NTM: variants seen among roughly 807,000 people sequenced by gnomAD.
The protein encoded by NTM is IgLON family member 2.
Under a neutral mutation model 42.1 loss-of-function variants are expected in NTM, and 13 were observed. That is an observed-to-expected ratio of 0.31 (90% CI 0.20 to 0.49). The LOEUF (loss-of-function observed/expected upper bound fraction) is 0.49, where lower values mean the gene tolerates loss of function less well. NTM is among the 20% of genes least tolerant of loss of function. The probability of loss-of-function intolerance (pLI) is 0.99; values close to 1 mark genes in which losing one functional copy is unlikely to be tolerated. For synonymous variants in NTM, 187 were observed against 179.2 expected (o/e 1.04, Z -0.35); for missense variants, 373 against 452.8 (o/e 0.82, Z 1.60).
chr11:131,398,958 A>G (rs942302418), intron 1 of NTM, among the ~76,000 whole-genome samples: 7 of 152,250 alleles, frequency 4.6e-5, no homozygotes, highest in Admixed American at 3.3e-4. Context: ...AAAAAATTAC[A>G]ATAAAAACTG....
At chr11:132,270,097 C>A (rs999671876) in intron 4 of NTM, among the ~76,000 whole-genome samples, 1 of 152,120 alleles carries the variant, frequency 6.6e-6, no homozygotes, top group Non-Finnish European at 1.5e-5. Flanking sequence ...CTACGGATAG[C>A]GTTTTATTCA....
intron 1 of NTM, among the ~76,000 whole-genome samples, chr11:131,514,199 A>G (rs2048607351): frequency 6.6e-6 from 1 of 152,178 alleles, no homozygotes; most frequent in Non-Finnish European, 1.5e-5. Flanking sequence ...ATGGGGTGCA[A>G]GTATCCGCCC....
At chr11:131,723,854 G>C (rs1382713642) in intron 1 of NTM, among the ~76,000 whole-genome samples, 2 of 151,972 alleles carry the variant, frequency 1.3e-5, no homozygotes, top group Non-Finnish European at 2.9e-5. Context: ...ATGAGAAAGA[G>C]AGACAGACAA....
In NTM at chr11:132,146,088, C is replaced by G. The variant is rs2137326121; in HGVS notation, c.168-194C>G. The stretch of plus-strand genomic sequence containing the variant: ...CTCAAGTGGTTTGAGAAGCTCCGAG[C>G]AACATTCTGAGGCTGTAATCCCATA... On this transcript the variant is annotated intron_variant, in intron 2 of 8. Transcript: ENST00000683400. This position sits in a 1 kb window ranked among gnomAD's most constrained non-coding sequence, Gnocchi z 4.5. The G allele has an allele frequency of 2.8e-6, 1 of 357,820 alleles. No individual in the cohort carries two copies. The highest frequency in any genetic ancestry group is 1.1e-4 in the South Asian group (1 of 8,892). 22.2% of individuals were successfully genotyped at this position (357,820 alleles called of 1,614,324 possible). A position where few individuals can be genotyped will look rare whatever the true frequency, so the allele number is the denominator to read the frequency against.
At chr11:131,871,884 G>T (rs2047827035) in intron 1 of NTM, among the ~76,000 whole-genome samples, 1 of 152,170 alleles carries the variant, frequency 6.6e-6, no homozygotes, top group Non-Finnish European at 1.5e-5. Context: ...TGCAGCTCCT[G>T]CAGTTTCTCC....
At chr11:132,312,103 T>C (rs768780587) in intron 6 of NTM, among the ~76,000 whole-genome samples, 3 of 152,214 alleles carry the variant, frequency 2.0e-5, no homozygotes, top group Non-Finnish European at 4.4e-5. Flanking sequence ...AGGGGCTGTC[T>C]TTCCTCCTGG....
intron 2 of NTM, among the ~76,000 whole-genome samples, chr11:132,068,191 A>G (rs2056810516): frequency 6.6e-6 from 1 of 152,162 alleles, no homozygotes; most frequent in Non-Finnish European, 1.5e-5. Context: ...ATTTTAGCAT[A>G]TTTTGCAATT....
rs1565686762 is a variant in NTM, at chr11:131,598,864, CCTTCCTTCCTT to C, written c.82+227989_82+227999del. Among the ~76,000 whole-genome samples, 5 of 38,818 alleles carry C rather than the reference CCTTCCTTCCTT, an allele frequency of 1.3e-4. 1 individual carries two copies. Among genetic ancestry groups the C allele is most frequent in the African/African-American group, 3.4e-4 (5 of 14,588 alleles). 25.5% of individuals were successfully genotyped at this position (38,818 alleles called of 152,430 possible). ...TTCTTTCTTTCTTCCTTCCTTCCTT[CCTTCCTTCCTT>C]CTTCCTTCCTTCCTTCCTTCCTTCC... On this transcript the variant is annotated intron_variant, in intron 1 of 8. Coordinates refer to ENST00000683400, the MANE Select transcript of NTM (RefSeq NM_001352005.2).
At chr11:131,823,712 C>G (rs1315101376) in intron 1 of NTM, among the ~76,000 whole-genome samples, 1 of 152,190 alleles carries the variant, frequency 6.6e-6, no homozygotes, top group Non-Finnish European at 1.5e-5. Context: ...CTAATTACCT[C>G]AATGTGCATT....
At chr11:132,084,509 A>G (rs552451162) in intron 2 of NTM, among the ~76,000 whole-genome samples, 70 of 152,306 alleles carry the variant, frequency 4.6e-4, no homozygotes, top group African/African-American at 1.6e-3. Flanking sequence ...CCTCCATGGC[A>G]TCCAAAAGAG....
intron 1 of NTM, among the ~76,000 whole-genome samples, chr11:131,591,353 C>T (rs777026473): frequency 5.9e-5 from 9 of 152,340 alleles, no homozygotes. Context: ...CTCAGAGGCC[C>T]TGCTGGGGAG....
At chr11:132,329,117 T>C (rs2136412179) in intron 7 of NTM, among the ~76,000 whole-genome samples, 1 of 152,268 alleles carries the variant, frequency 6.6e-6, no homozygotes, top group South Asian at 2.1e-4. Context: ...TCATCTGACT[T>C]TGAGCAAATG....
chr11:132,314,403 T>A (rs1439621809), intron 6 of NTM, 149 bp from the exon 7 acceptor site: 16 of 811,312 alleles, frequency 2.0e-5, no homozygotes, highest in Non-Finnish European at 2.8e-5. Context: ...TACTACTACA[T>A]TATGGTGTGG....
At chr11:131,433,756 C>T (rs1378727931) in intron 1 of NTM, among the ~76,000 whole-genome samples, 5 of 151,836 alleles carry the variant, frequency 3.3e-5, no homozygotes, top group African/African-American at 4.8e-5. Flanking sequence ...CTTTTTATCC[C>T]TGCTATTTTG....
intron 1 of NTM, among the ~76,000 whole-genome samples, chr11:131,576,752 G>T (rs1039391154): frequency 4.6e-5 from 7 of 152,138 alleles, no homozygotes; most frequent in Admixed American, 4.6e-4. Context: ...GATCCCTGAC[G>T]TAAATAATAA....
intron 1 of NTM, among the ~76,000 whole-genome samples, chr11:131,495,659 A>G (rs1025141666): frequency 1.3e-5 from 2 of 152,168 alleles, no homozygotes; most frequent in Non-Finnish European, 2.9e-5. Context: ...CGGCCTGGAA[A>G]CAGGGTTGAG....
At chr11:132,057,143 G>A (rs556544915) in intron 2 of NTM, among the ~76,000 whole-genome samples, 6 of 152,178 alleles carry the variant, frequency 3.9e-5, no homozygotes, top group Admixed American at 6.5e-5. Context: ...AGCCTCAATC[G>A]GGTGCTTATC....
chr11:132,324,811 C>A (rs2095645064), intron 7 of NTM, among the ~76,000 whole-genome samples: 1 of 149,760 alleles, frequency 6.7e-6, no homozygotes, highest in Non-Finnish European at 1.5e-5. Context: ...GGTACTGGTA[C>A]CAAAACAGAG....
chr11:131,783,328 C>G (rs943712699), intron 1 of NTM, among the ~76,000 whole-genome samples: 1 of 151,986 alleles, frequency 6.6e-6, no homozygotes, highest in African/African-American at 2.4e-5. Flanking sequence ...AAGGAAATCT[C>G]AATAAAAAAG....
Sources: gnomAD v4.1 joint callset for allele counts (sites outside exome capture counted in the v4.1 genomes callset) on GRCh38, gnomAD v4.1.1 for gene constraint, Gnocchi (gnomAD v3.1) non-coding constraint, MANE v1.5 for transcripts, NCBI Gene and HGNC (gene_info 2026-07-23, HGNC 2026-07-21) for gene names.